The following TET3 variants were observed in gnomAD, a reference collection of about 807,000 sequenced individuals.
TET3 encodes the protein methylcytosine dioxygenase TET3.
TET3 carries 19 observed loss-of-function variants against 141.4 expected under a neutral mutation model. The ratio of observed to expected loss-of-function variants is 0.13; its 90% CI spans 0.09 to 0.20. The LOEUF is 0.20. Among genes scored for constraint, TET3 ranks in the 10% least tolerant of loss-of-function variants. The probability of loss-of-function intolerance (pLI) is 1.00; values close to 1 mark genes in which losing one functional copy is unlikely to be tolerated. For missense variants in TET3, 1,874 were observed against 2,356.9 expected (o/e 0.80, Z 4.24); for synonymous variants, 1,043 against 980.9 (o/e 1.06, Z -1.18).
At chr2:74,135,397 T>A in the TET3 span, 1 of 892,252 alleles carries the variant, frequency 1.1e-6, no homozygotes, top group Non-Finnish European at 1.8e-6. Context: ...GAAACATTAC[T>A]AATGACCCTT....
rs2104279205 is a variant in TET3, at chr2:74,106,936, A to ATGTT, written c.*4762_*4765dup. The ATGTT allele has an allele frequency of 6.6e-6, 1 of 152,256 alleles. No homozygotes were observed. The highest frequency in any genetic ancestry group is 2.4e-5 in the African/African-American group (1 of 41,504). 9.4% of individuals were successfully genotyped at this position (152,256 alleles called of 1,614,324 possible). ...GAAGGAGCGTAGTTGGCTGTATTTC[A>ATGTT]TGTTTAAGTTTTGCTTTTGAATAAA... On this transcript the variant is annotated 3_prime_UTR_variant, in exon 12 of 12. Transcript: ENST00000409262.
intron 3 of TET3, among the ~76,000 whole-genome samples, chr2:74,042,163 C>T (rs1687374674): frequency 6.6e-6 from 1 of 152,206 alleles, no homozygotes; most frequent in African/African-American, 2.4e-5. Context: ...GCCCTTTCAG[C>T]CTGTAGTTCT....
the TET3 span, among the ~76,000 whole-genome samples, chr2:74,132,468 G>A: frequency 6.6e-6 from 1 of 152,226 alleles, no homozygotes; most frequent in Non-Finnish European, 1.5e-5. Context: ...GCTTACTGCA[G>A]CCTCAAACTC....
At position 74,104,918 on chromosome 2, in the gene TET3, G is replaced by A. The variant is rs1426087778; in HGVS notation, c.*2742G>A. The stretch of plus-strand genomic sequence containing the variant: ...AATGGCGTTTCCAGAGTTAGGCGGT[G>A]TGGTTGCCGTGCTCAAGCCCATGCT... On this transcript the variant is annotated 3_prime_UTR_variant, in exon 12 of 12. Coordinates refer to ENST00000409262, the MANE Select transcript of TET3 (RefSeq NM_001287491.2). 4 of 358,772 alleles carry A rather than the reference G, an allele frequency of 1.1e-5. No individual in the cohort carries two copies. The highest frequency in any genetic ancestry group is 2.0e-5 in the Non-Finnish European group (4 of 202,032). The allele number at this position is 358,772 out of a possible 1,614,324, so 22.2% of individuals were successfully genotyped here.
intron 3 of TET3, among the ~76,000 whole-genome samples, chr2:74,030,619 T>A (rs2105288015): frequency 6.6e-6 from 1 of 152,332 alleles, no homozygotes; most frequent in East Asian, 1.9e-4. Flanking sequence ...TACTTATTTA[T>A]TTTTACTGTT....
At position 73,984,930 on chromosome 2, in the gene TET3, T is replaced by TTGC. The variant is rs981906309; in HGVS notation, c.-639_-637dup. On this transcript the variant is annotated 5_prime_UTR_variant, in exon 1 of 12. Transcript: ENST00000409262. This position sits in a 1 kb window ranked among gnomAD's most constrained non-coding sequence, Gnocchi z 5.6. The stretch of plus-strand genomic sequence containing the variant: ...GCGGGGAGTCCCGCGGACGCCTTCA[T>TTGC]TGCTGCTGCTGCTGCCGCCGCGGCC... Among the ~76,000 whole-genome samples, 38 of 145,636 alleles carry TTGC rather than the reference T, an allele frequency of 2.6e-4. No individual in the cohort carries two copies. The East Asian group carries it at 3.9e-3, about 15-fold the overall frequency.
rs879469992 is a variant in TET3, at chr2:74,086,379, T to TA, written c.2680-1438dup. 6.3e-3 allele frequency among the ~76,000 whole-genome samples: 914 copies of TA among 145,372 alleles called. 10 individuals are homozygous for TA. Among genetic ancestry groups the TA allele is most frequent in the African/African-American group, 0.017 (666 of 40,008 alleles). ...GCAGTGGATGCCCAGGGCTCTCGCT[T>TA]AAAAAAAAAAAAAGTAGCTTTATTG... is the stretch of plus-strand genomic sequence containing the variant. On this transcript the variant is annotated intron_variant, in intron 6 of 11. Coordinates refer to ENST00000409262, the MANE Select transcript of TET3 (RefSeq NM_001287491.2).
chr2:73,991,169 G>C (rs1488142006), intron 2 of TET3, among the ~76,000 whole-genome samples: 1 of 118,196 alleles, frequency 8.5e-6, no homozygotes, highest in Non-Finnish European at 1.8e-5. Context: ...GTCTTGAACT[G>C]GTGAATTACA....
At chr2:74,071,960 TCTTAAAGTGAA>T (rs1172642173) in intron 4 of TET3, among the ~76,000 whole-genome samples, 2 of 152,234 alleles carry the variant, frequency 1.3e-5, no homozygotes, top group Non-Finnish European at 2.9e-5. Context: ...AAATTAACCA[TCTTAAAGTGAA>T]CAATTCAGTG....
intron 4 of TET3, among the ~76,000 whole-genome samples, chr2:74,055,057 G>A (rs1036585234): frequency 2.0e-5 from 3 of 151,938 alleles, no homozygotes; most frequent in African/African-American, 7.3e-5. Context: ...CACTATGCCT[G>A]GCTAATTTTT....
At chr2:74,006,713 G>A (rs1314706128) in intron 3 of TET3, among the ~76,000 whole-genome samples, 1 of 152,176 alleles carries the variant, frequency 6.6e-6, no homozygotes, top group African/African-American at 2.4e-5. Context: ...GAGGGGCTAC[G>A]GTTTGGCTCA....
intron 6 of TET3, among the ~76,000 whole-genome samples, chr2:74,082,789 G>C (rs1689905184): frequency 6.6e-6 from 1 of 151,988 alleles, no homozygotes. Flanking sequence ...AGAGGAGTTG[G>C]GTGCTCCTTC....
chr2:74,063,417 C>G (rs1176391728), intron 4 of TET3, among the ~76,000 whole-genome samples: 2 of 152,166 alleles, frequency 1.3e-5, no homozygotes, highest in African/African-American at 4.8e-5. Flanking sequence ...AATCTTTAGT[C>G]ATATCATGTC....
chr2:74,054,186 G>A (rs184474622), intron 4 of TET3, among the ~76,000 whole-genome samples: 7 of 152,146 alleles, frequency 4.6e-5, no homozygotes, highest in Non-Finnish European at 1.0e-4. Context: ...AGTTTCAGGG[G>A]AAGAGGGGAT....
At chr2:74,079,639 G>A (rs1689696469) in intron 5 of TET3, among the ~76,000 whole-genome samples, 1 of 152,184 alleles carries the variant, frequency 6.6e-6, no homozygotes, top group Non-Finnish European at 1.5e-5. Context: ...CCCAGGAGGT[G>A]GGGATCATTT....
intron 3 of TET3, among the ~76,000 whole-genome samples, chr2:74,034,624 G>A (rs1686930820): frequency 6.9e-6 from 1 of 145,486 alleles, no homozygotes; most frequent in Admixed American, 6.9e-5. Flanking sequence ...ATTCATTGAT[G>A]TTCCTGTGGC....
the TET3 span, among the ~76,000 whole-genome samples, chr2:74,133,093 T>A: frequency 7.5e-6 from 1 of 132,682 alleles, no homozygotes; most frequent in South Asian, 2.3e-4. Flanking sequence ...TTTTTTTTTT[T>A]AGTTGAGACA....
chr2:74,008,014 T>A (rs1265722360), intron 3 of TET3, among the ~76,000 whole-genome samples: 2 of 152,142 alleles, frequency 1.3e-5, no homozygotes, highest in Non-Finnish European at 2.9e-5. Context: ...TCCTAAAGGC[T>A]TCCTCTTGGT....
chr2:74,088,182 A>T, intron 7 of TET3, 144 bp downstream of exon 7: 3 of 856,336 alleles, frequency 3.5e-6, no homozygotes, highest in Non-Finnish European at 5.3e-6. Context: ...ACTGTGGTTG[A>T]GGAAGGCATA....
Sources: allele counts gnomAD v4.1 joint callset (sites outside exome capture counted in the v4.1 genomes callset), GRCh38; gene constraint gnomAD v4.1.1; non-coding constraint Gnocchi (gnomAD v3.1); transcripts MANE v1.5; gene names NCBI Gene and HGNC (gene_info 2026-07-23, HGNC 2026-07-21).